The following PTPRQ variants were observed in gnomAD, a reference collection of about 807,000 sequenced individuals.
PTPRQ encodes protein tyrosine phosphatase receptor type Q.
In PTPRQ, 199 loss-of-function variants were observed where a neutral mutation model predicts 246.0. The ratio of observed to expected loss-of-function variants is 0.81; its 90% confidence interval spans 0.72 to 0.91. PTPRQ has a LOEUF of 0.91. PTPRQ is among the 40% of genes least tolerant of loss of function. The probability of loss-of-function intolerance (pLI) is 0.00; values close to 1 mark genes in which losing one functional copy is unlikely to be tolerated. For missense variants in PTPRQ, 2,624 were observed against 2,528.4 expected (o/e 1.04, Z -0.81); for synonymous variants, 869 against 853.2 (o/e 1.02, Z -0.32).
chr12:80,466,816 GA>G (rs1405962574), intron 6 of PTPRQ, among the ~76,000 whole-genome samples: 2 of 152,144 alleles, frequency 1.3e-5, no homozygotes, highest in Non-Finnish European at 2.9e-5. Context: ...GTAGAAAGCT[GA>G]AACTGGATCC....
At chr12:80,470,620 C>T (rs976536842) in intron 7 of PTPRQ, among the ~76,000 whole-genome samples, 2 of 152,134 alleles carry the variant, frequency 1.3e-5, no homozygotes, top group African/African-American at 4.8e-5. Flanking sequence ...AAATGAGCTG[C>T]CTTCAACAAC....
At chr12:80,489,144 T>C (rs1026001594) in intron 9 of PTPRQ, among the ~76,000 whole-genome samples, 3 of 152,048 alleles carry the variant, frequency 2.0e-5, no homozygotes, top group Non-Finnish European at 2.9e-5. Context: ...CAGAAACCCA[T>C]AGATGAATAA....
chr12:80,618,872 GAA>G (rs1324653112), intron 30 of PTPRQ, among the ~76,000 whole-genome samples: 4 of 151,500 alleles, frequency 2.6e-5, no homozygotes, highest in African/African-American at 4.8e-5. Context: ...CAAACAGTGA[GAA>G]GAGTGTGTTG....
At chr12:80,550,303 C>G (rs1272903037) in intron 25 of PTPRQ, among the ~76,000 whole-genome samples, 1 of 152,118 alleles carries the variant, frequency 6.6e-6, no homozygotes, top group African/African-American at 2.4e-5. Context: ...CATATTCTAC[C>G]TGCTTATATA....
intron 27 of PTPRQ, among the ~76,000 whole-genome samples, chr12:80,609,582 T>C (rs1246567408): frequency 6.6e-6 from 1 of 150,580 alleles, no homozygotes; most frequent in Non-Finnish European, 1.5e-5. Flanking sequence ...AGAACCTCCA[T>C]AAAGGACAGA....
At chr12:80,525,396 G>A (rs191904417) in intron 17 of PTPRQ, among the ~76,000 whole-genome samples, 22 of 152,292 alleles carry the variant, frequency 1.4e-4, no homozygotes, top group Admixed American at 1.4e-3. Flanking sequence ...GAAGCTTGAT[G>A]TGGTCAACAA....
chr12:80,500,027 A>T (rs1894749187), intron 14 of PTPRQ, among the ~76,000 whole-genome samples: 1 of 152,018 alleles, frequency 6.6e-6, no homozygotes, highest in African/African-American at 2.4e-5. Context: ...CCATGAGTGG[A>T]TAATAACTTA....
At chr12:80,449,999 T>A (rs1030771094) in intron 3 of PTPRQ, among the ~76,000 whole-genome samples, 2 of 152,224 alleles carry the variant, frequency 1.3e-5, no homozygotes, top group Non-Finnish European at 1.5e-5. Context: ...TCATTCTTCC[T>A]ACCCATGAGC....
At chr12:80,607,088 G>T (rs1299152022) in intron 27 of PTPRQ, among the ~76,000 whole-genome samples, 1 of 150,734 alleles carries the variant, frequency 6.6e-6, no homozygotes, top group African/African-American at 2.4e-5. Flanking sequence ...TATTTTAATT[G>T]CTTATTTTCT....
intron 39 of PTPRQ, among the ~76,000 whole-genome samples, chr12:80,660,901 T>G (rs1473619684): frequency 6.6e-6 from 1 of 152,030 alleles, no homozygotes. Flanking sequence ...TGTCAGATTC[T>G]AACTCACAGT....
chr12:80,537,773 TA>T (rs1229961663), intron 19 of PTPRQ, among the ~76,000 whole-genome samples: 2 of 152,172 alleles, frequency 1.3e-5, no homozygotes, highest in Non-Finnish European at 2.9e-5. Context: ...TTTACCCACT[TA>T]TGTTTCCTTA....
intron 27 of PTPRQ, among the ~76,000 whole-genome samples, chr12:80,606,421 G>C (rs1323922003): frequency 2.0e-5 from 3 of 150,958 alleles, no homozygotes; most frequent in Non-Finnish European, 4.5e-5. Flanking sequence ...ATAGCCATTT[G>C]GATGGAAATC....
chr12:80,449,852 G>C (rs531783411), intron 3 of PTPRQ, among the ~76,000 whole-genome samples: 2 of 151,968 alleles, frequency 1.3e-5, no homozygotes, highest in Non-Finnish European at 2.9e-5. Flanking sequence ...TTGACTTGGC[G>C]ATGTGGGCTC....
chr12:80,481,581 A>G lies in PTPRQ; in HGVS notation c.1187-2852A>G, dbSNP rs1894059637. Among the ~76,000 whole-genome samples, 3 of 152,242 alleles carry G rather than the reference A, an allele frequency of 2.0e-5. No homozygotes were observed. In the South Asian group the frequency reaches 6.2e-4, roughly 32 times the overall value. On this transcript the variant is annotated intron_variant, in intron 8 of 44. Coordinates refer to ENST00000644991, the MANE Select transcript of PTPRQ (RefSeq NM_001145026.2). ...ATTCAATTAGGAAAAGAGGAAGTCAAATTGTCCCTGCTTGCAGATGACATG... is the reference window on the plus strand; with the variant it reads ...ATTCAATTAGGAAAAGAGGAAGTCAGATTGTCCCTGCTTGCAGATGACATG...
At chr12:80,656,652 A>G (rs1900448562) in intron 38 of PTPRQ, among the ~76,000 whole-genome samples, 1 of 152,104 alleles carries the variant, frequency 6.6e-6, no homozygotes, top group South Asian at 2.1e-4. Context: ...TAGTTTTACT[A>G]GCTCTTAAAA....
intron 26 of PTPRQ, among the ~76,000 whole-genome samples, chr12:80,597,256 A>C (rs1898000070): frequency 6.6e-6 from 1 of 152,052 alleles, no homozygotes; most frequent in African/African-American, 2.4e-5. Context: ...ACAGGAGAAG[A>C]AAATAGCAAG....
In PTPRQ at chr12:80,541,625, C is replaced by T; in HGVS notation, c.3225C>T (p.Val1075=). ...CAACTGCAATAAATGTAAGCTGGGTCCCACCGGCTCAACCAAACGGTCTAG... is the reference window on the plus strand; with the variant it reads ...CAACTGCAATAAATGTAAGCTGGGTTCCACCGGCTCAACCAAACGGTCTAG... ...ISSTAINVSW[V]PPAQPNGLVF... is the part of the protein sequence containing the mutation. The change falls in exon 21 of 45, where the codon GTC becomes GTT. Residue 1075 remains valine (V), a synonymous_variant. Transcript: ENST00000644991. 1 of 1,548,048 alleles carries T rather than the reference C, an allele frequency of 6.5e-7. No homozygotes were observed. The highest frequency in any genetic ancestry group is 8.7e-7 in the Non-Finnish European group (1 of 1,145,322).
At position 80,445,488 on chromosome 12, in the gene PTPRQ, T is replaced by C; in HGVS notation, c.164-3T>C. The C allele has an allele frequency of 6.6e-7, 1 of 1,505,462 alleles. No individual in the cohort carries two copies. The highest frequency in any genetic ancestry group is 8.9e-7 in the Non-Finnish European group (1 of 1,128,718). The allele number at this position is 1,505,462 out of a possible 1,614,324, so 93.3% of individuals were successfully genotyped here. On this transcript the variant is annotated splice_polypyrimidine_tract_variant and splice_region_variant and intron_variant, in intron 2 of 44. Transcript: ENST00000644991. ...TTTAACAAAATGGATTTTTTAAAAA[T>C]AGAACCAGGGCCTCCAGTCTTCCTA...
chr12:80,638,506 A>G (rs1173742373), intron 35 of PTPRQ, among the ~76,000 whole-genome samples: 2 of 152,122 alleles, frequency 1.3e-5, no homozygotes, highest in Non-Finnish European at 2.9e-5. Flanking sequence ...CAAAAAACAA[A>G]CATGGTGCTT....
Sources: allele counts gnomAD v4.1 joint callset (sites outside exome capture counted in the v4.1 genomes callset), GRCh38; gene constraint gnomAD v4.1.1; transcripts MANE v1.5; gene names NCBI Gene and HGNC (gene_info 2026-07-23, HGNC 2026-07-21).